DNTT: variants seen among roughly 807,000 people sequenced by gnomAD.
The protein encoded by DNTT is DNA nucleotidylexotransferase, also known as nucleosidetriphosphate:DNA deoxynucleotidylexotransferase.
Under a neutral mutation model 60.9 loss-of-function variants are expected in DNTT, and 47 were observed. That is an observed-to-expected ratio of 0.77 (90% CI 0.61 to 0.98). The LOEUF (loss-of-function observed/expected upper bound fraction) is 0.98. DNTT is among the 50% of genes least tolerant of loss of function. The pLI is 0.00. For missense variants in DNTT, 665 were observed against 627.5 expected, an observed-to-expected ratio of 1.06 and a Z score of -0.64; for synonymous variants, 224 against 221.2, an observed-to-expected ratio of 1.01 and a Z score of -0.11.
In DNTT at chr10:96,318,419, C is replaced by G. The variant is rs766485847; in HGVS notation, c.271C>G (p.Gln91Glu). The G allele has an allele frequency of 6.2e-7, 1 of 1,613,804 alleles. No individual in the cohort carries two copies. Among genetic ancestry groups the G allele is most frequent in the Non-Finnish European group, 8.5e-7 (1 of 1,179,824 alleles). The change falls in exon 2 of 11, where the codon CAG becomes GAG. Residue 91 changes from glutamine (Q) to glutamate (E), a missense_variant. By Grantham distance (29) the Gln-to-Glu change is conservative (BLOSUM62 2). Coordinates refer to ENST00000371174, the MANE Select transcript of DNTT (RefSeq NM_004088.4). Reference protein sequence around the residue: ...GSDVLEWLQAQKVQVSSQPEL... With the variant: ...GSDVLEWLQAEKVQVSSQPEL... ...GGATGTTCTGGAGTGGCTTCAAGCA[C>G]AGAAAGTACAAGTCAGCTCACAACC...
chr10:96,327,846 A>T (rs1190492786), intron 7 of DNTT, among the ~76,000 whole-genome samples: 2 of 152,142 alleles, frequency 1.3e-5, no homozygotes, highest in Non-Finnish European at 2.9e-5. Flanking sequence ...GCCATTCCTC[A>T]AATTGTCGCT....
intron 9 of DNTT, among the ~76,000 whole-genome samples, chr10:96,334,660 A>T (rs1170330296): frequency 6.6e-6 from 1 of 152,230 alleles, no homozygotes; most frequent in Non-Finnish European, 1.5e-5. Flanking sequence ...CTCTAATCAC[A>T]AATGTTGACT....
intron 1 of DNTT, among the ~76,000 whole-genome samples, chr10:96,308,294 A>G (rs1455884139): frequency 1.3e-5 from 2 of 152,228 alleles, no homozygotes; most frequent in Non-Finnish European, 2.9e-5. Flanking sequence ...CTTTGCTAAC[A>G]TTTATGCTAT....
chr10:96,328,732 A>G lies in DNTT; in HGVS notation c.1015A>G (p.Lys339Glu), dbSNP rs1222706069. Residue 339 changes from lysine to glutamate, a missense_variant, in exon 8 of 11, where the codon AAG becomes GAG. Lys to Glu is a moderately conservative substitution (Grantham distance 56). Transcript: ENST00000371174. ...TMTGGFRRGK[K>E]MGHDVDFLIT... The stretch of plus-strand genomic sequence containing the variant: ...ACTGCTTTTGAAAATTAGGGGTAAG[A>G]AGATGGGGCATGATGTAGATTTTTT... 1 of 1,612,648 alleles carries G rather than the reference A, an allele frequency of 6.2e-7. No individual in the cohort carries two copies. Among genetic ancestry groups the G allele is most frequent in the Admixed American group, 1.7e-5 (1 of 59,808 alleles).
intron 8 of DNTT, 67 bp from the exon 9 acceptor site, chr10:96,332,284 A>T: frequency 6.4e-7 from 1 of 1,565,888 alleles, no homozygotes; most frequent in Non-Finnish European, 8.6e-7. Flanking sequence ...TTCATTAAGA[A>T]TCCAGTGTTA....
intron 9 of DNTT, 100 bp downstream of exon 9, chr10:96,332,696 G>A (rs1845021885): frequency 1.3e-6 from 2 of 1,535,398 alleles, no homozygotes; most frequent in Non-Finnish European, 1.8e-6. Flanking sequence ...CAGGGGCTGG[G>A]TGACAGGGGA....
intron 1 of DNTT, among the ~76,000 whole-genome samples, chr10:96,317,459 ATAAT>A (rs1844799976): frequency 6.6e-6 from 1 of 152,174 alleles, no homozygotes; most frequent in East Asian, 1.9e-4. Context: ...CTGGTTATAA[ATAAT>A]TAATTTATTG....
intron 6 of DNTT, among the ~76,000 whole-genome samples, chr10:96,325,987 T>C (rs1377587551): frequency 1.3e-5 from 2 of 152,234 alleles, no homozygotes; most frequent in Admixed American, 6.5e-5. Flanking sequence ...TACTGTGTGA[T>C]AAGTTTCCTG....
chr10:96,320,046 C>G (rs143055627), intron 3 of DNTT, among the ~76,000 whole-genome samples: 2 of 152,212 alleles, frequency 1.3e-5, no homozygotes, highest in African/African-American at 2.4e-5. Context: ...AGACTTCCAG[C>G]TCCATGTCTG....
At chr10:96,328,569 G>A (rs1055054128) in intron 7 of DNTT, among the ~76,000 whole-genome samples, 156 bp from the exon 8 acceptor site, 2 of 152,092 alleles carry the variant, frequency 1.3e-5, no homozygotes, top group African/African-American at 4.8e-5. Flanking sequence ...GTAAGGAACA[G>A]CGATGTGTAA....
chr10:96,304,509 A>G lies in DNTT; in HGVS notation c.12A>G (p.Pro4=). The change falls in exon 1 of 11, where the codon CCA becomes CCG. Residue 4 remains proline, a synonymous_variant. Coordinates refer to ENST00000371174, the MANE Select transcript of DNTT (RefSeq NM_004088.4). ...AGCAGCCTCTTCCCATGGATCCACC[A>G]CGAGCGTCCCACTTGAGCCCTCGGA... The part of the protein sequence containing the change: MDP[P]RASHLSPRKK... 1 of 1,613,694 alleles carries G rather than the reference A, an allele frequency of 6.2e-7. No homozygotes were observed. Among genetic ancestry groups the G allele is most frequent in the Non-Finnish European group, 8.5e-7 (1 of 1,179,980 alleles).
intron 1 of DNTT, among the ~76,000 whole-genome samples, chr10:96,311,472 G>A (rs1310670778): frequency 6.6e-6 from 1 of 152,146 alleles, no homozygotes; most frequent in Non-Finnish European, 1.5e-5. Flanking sequence ...GGAAAAGAAA[G>A]ACAGGAAGAA....
intron 1 of DNTT, 40 bp downstream of exon 1, chr10:96,304,740 C>T (rs950403369): frequency 3.8e-6 from 6 of 1,591,698 alleles, no homozygotes; most frequent in Middle Eastern, 2.0e-4. Context: ...TAAGCAGAGG[C>T]TTTGTGAACA....
At chr10:96,332,143 A>G (rs1845012979) in intron 8 of DNTT, among the ~76,000 whole-genome samples, 1 of 152,204 alleles carries the variant, frequency 6.6e-6, no homozygotes, top group Non-Finnish European at 1.5e-5. Flanking sequence ...AGCCTCTCTC[A>G]TCGCTAAATT....
intron 2 of DNTT, among the ~76,000 whole-genome samples, chr10:96,318,994 G>T (rs1296584272): frequency 1.3e-5 from 2 of 152,066 alleles, no homozygotes; most frequent in Non-Finnish European, 2.9e-5. Context: ...TAAAATCTTT[G>T]GGAAGAGGGC....
chr10:96,330,370 T>A (rs532527221), intron 8 of DNTT, among the ~76,000 whole-genome samples: 7 of 151,598 alleles, frequency 4.6e-5, no homozygotes, highest in African/African-American at 7.3e-5. Flanking sequence ...GGCTTTCATG[T>A]GAGACTTGTT....
In DNTT at chr10:96,338,331, G is replaced by C. The variant is rs1845097376; in HGVS notation, c.*107G>C. On this transcript the variant is annotated 3_prime_UTR_variant, in exon 11 of 11. Transcript: ENST00000371174. Reference sequence around the variant, plus strand: ...AGTTTGGGGTTATTTAGGTCTTATTGAAATGCAGATTGCTACTAGAAATAA... The same window carrying C: ...AGTTTGGGGTTATTTAGGTCTTATTCAAATGCAGATTGCTACTAGAAATAA... The C allele has an allele frequency of 1.0e-6, 1 of 971,624 alleles. No homozygotes were observed. The highest frequency in any genetic ancestry group is 1.5e-6 in the Non-Finnish European group (1 of 662,030). The allele number at this position is 971,624 out of a possible 1,614,324, so 60.2% of individuals were successfully genotyped here.
Position 96,335,313 on chromosome 10 carries a change from G to A in DNTT, c.1360-578G>A, listed in dbSNP as rs117593110. On this transcript the variant is annotated intron_variant, in intron 9 of 10. Transcript: ENST00000371174. The stretch of plus-strand genomic sequence containing the variant: ...TCATCCAGGAGCAGTTGACTTAGAC[G>A]ATCAGTTTCATGGCATCTCAGTGTG... 3.9e-3 allele frequency among the ~76,000 whole-genome samples: 596 copies of A among 152,232 alleles called. 1 individual carries two copies. Among genetic ancestry groups the A allele is most frequent in the Middle Eastern group, 0.01 (3 of 294 alleles).
chr10:96,311,768 C>G (rs754745408), intron 1 of DNTT, among the ~76,000 whole-genome samples: 10 of 152,172 alleles, frequency 6.6e-5, no homozygotes, highest in Non-Finnish European at 2.9e-5. Context: ...CTCAGCCTCC[C>G]GAGTGGCTGG....
Sources: gnomAD v4.1 joint callset for allele counts (sites outside exome capture counted in the v4.1 genomes callset) on GRCh38, gnomAD v4.1.1 for gene constraint, MANE v1.5 for transcripts, NCBI Gene and HGNC (gene_info 2026-07-23, HGNC 2026-07-21) for gene names.